Variants in SYNE1 observed in about 807,000 individuals in gnomAD.
SYNE1 encodes spectrin repeat containing nuclear envelope protein 1.
SYNE1 carries 616 observed loss-of-function variants against 1,111.0 expected under a neutral mutation model. That is an observed-to-expected ratio of 0.55 (90% CI 0.52 to 0.59). The LOEUF is 0.59. SYNE1 is among the 20% of genes least tolerant of loss of function. The probability of loss-of-function intolerance (pLI) is 0.00; values close to 1 mark genes in which losing one functional copy is unlikely to be tolerated. For missense variants in SYNE1, 10,006 were observed against 10,417.0 expected (o/e 0.96, Z 1.72); for synonymous variants, 3,855 against 3,825.8 (o/e 1.01, Z -0.28).
At chr6:152,606,976 C>CTTTTTT (rs11387272) in intron 3 of SYNE1, among the ~76,000 whole-genome samples, 27 of 109,128 alleles carry the variant, frequency 2.5e-4, no homozygotes, top group African/African-American at 6.7e-4. Context: ...TGCCTCGGTT[C>CTTTTTT]TCTTTTTTTT....
At chr6:152,316,690 T>C in intron 87 of SYNE1, 159 bp downstream of exon 87, 1 of 729,238 alleles carries the variant, frequency 1.4e-6, no homozygotes, top group East Asian at 2.7e-5. Context: ...GAAGCTCCTT[T>C]CTGTCCAACT....
At chr6:152,218,894 A>G in intron 120 of SYNE1, 109 bp downstream of exon 120, 1 of 1,159,532 alleles carries the variant, frequency 8.6e-7, no homozygotes, top group Non-Finnish European at 1.3e-6. Flanking sequence ...TATTTTCTTG[A>G]GTCTTGAAGG....
In SYNE1 at chr6:152,395,414, C is replaced by T. The variant is rs1397982971; in HGVS notation, c.7712+102G>A. The T allele has an allele frequency of 2.4e-6, 3 of 1,274,778 alleles. No individual in the cohort carries two copies. The East Asian group carries it at 7.0e-5, about 30-fold the overall frequency. The allele number at this position is 1,274,778 out of a possible 1,614,324, so 79.0% of individuals were successfully genotyped here. A position where few individuals can be genotyped will look rare whatever the true frequency, so the allele number is the denominator to read the frequency against. On this transcript the variant is annotated intron_variant, in intron 51 of 145. Transcript: ENST00000367255. ...TTCAAGGACAGCACAAACCACTACC[C>T]ACAAACCAACTAACTAACCAATCAA...
intron 100 of SYNE1, among the ~76,000 whole-genome samples, chr6:152,267,162 T>G (rs1462271656): frequency 2.6e-5 from 4 of 152,188 alleles, no homozygotes. Context: ...CAAAACCACC[T>G]TCATAATACA....
At chr6:152,428,437 C>T (rs767917649) in intron 36 of SYNE1, 45 bp from the exon 37 acceptor site, 13 of 1,605,050 alleles carry the variant, frequency 8.1e-6, no homozygotes, top group South Asian at 1.1e-5. Flanking sequence ...CAGGAGCCAA[C>T]GAGGCCTGCA....
At position 152,453,654 on chromosome 6, in the gene SYNE1, C is replaced by G; in HGVS notation, c.2959G>C (p.Asp987His). The G allele has an allele frequency of 6.2e-7, 1 of 1,614,174 alleles. No homozygotes were observed. The highest frequency in any genetic ancestry group is 8.5e-7 in the Non-Finnish European group (1 of 1,180,046). ...AFLKACDELT[D>H]ILPEQEQQGL... ...TGCTGCTCCTGCTCTGGAAGGATGT[C>G]GGTGAGTTCATCACAAGCTTTCAGG... is the stretch of plus-strand genomic sequence containing the variant. The change falls in exon 25 of 146, where the codon GAC becomes CAC. Residue 987 changes from aspartate to histidine, a missense_variant. Asp to His is a moderately conservative substitution (Grantham distance 81). Coordinates refer to ENST00000367255, the MANE Select transcript of SYNE1 (RefSeq NM_182961.4).
Position 152,430,744 on chromosome 6 carries a change from C to T in SYNE1, c.4462-35G>A, listed in dbSNP as rs764056536. The T allele has an allele frequency of 1.5e-5, 23 of 1,585,688 alleles. No homozygotes were observed. The South Asian group carries it at 2.5e-4, about 18-fold the overall frequency. ...AAAACAAGAAAAATGACAATGTAGG[C>T]TGAGCAAGCTTGCCTTCCTGAAATG... On this transcript the variant is annotated intron_variant, in intron 34 of 145. Transcript: ENST00000367255.
chr6:152,251,412 A>C (rs1014691652), intron 104 of SYNE1, among the ~76,000 whole-genome samples: 2 of 152,210 alleles, frequency 1.3e-5, no homozygotes, highest in Non-Finnish European at 2.9e-5. Context: ...AAATTACTAA[A>C]TAAAAACTTT....
chr6:152,125,369 C>G, intron 145 of SYNE1: 6 of 1,548,402 alleles, frequency 3.9e-6, no homozygotes, highest in Non-Finnish European at 5.2e-6. Flanking sequence ...CATAAGGCCT[C>G]ACAGTATCCT....
chr6:152,189,080 T>C (rs2071423559), intron 128 of SYNE1, among the ~76,000 whole-genome samples, 172 bp downstream of exon 128: 1 of 142,158 alleles, frequency 7.0e-6, no homozygotes, highest in Non-Finnish European at 1.5e-5. Flanking sequence ...TAAAATGTGG[T>C]AAAATATAAA....
At chr6:152,283,062 G>A (rs1028222768) in intron 96 of SYNE1, among the ~76,000 whole-genome samples, 1 of 152,156 alleles carries the variant, frequency 6.6e-6, no homozygotes, top group Non-Finnish European at 1.5e-5. Context: ...TCTTTAGGGA[G>A]CCTCCAGTCT....
chr6:152,442,806 T>C (rs1279650082), intron 30 of SYNE1, among the ~76,000 whole-genome samples: 1 of 152,028 alleles, frequency 6.6e-6, no homozygotes, highest in Non-Finnish European at 1.5e-5. Flanking sequence ...ATTAGCCAAG[T>C]GTGGTGGTAC....
intron 76 of SYNE1, chr6:152,336,405 G>A (rs13217146): frequency 0.072 from 14,785 of 204,908 alleles, 557 homozygotes; most frequent in East Asian, 0.11. Context: ...TTGGCACCTG[G>A]GATGGGTTTT....
At chr6:152,264,190 G>GAGCA (rs1280835024) in intron 100 of SYNE1, among the ~76,000 whole-genome samples, 2 of 105,226 alleles carry the variant, frequency 1.9e-5, no homozygotes, top group African/African-American at 3.9e-5. Context: ...CTTGGTGACA[G>GAGCA]AGCAAGACTC....
At chr6:152,397,621 C>T (rs17082605) in intron 49 of SYNE1, among the ~76,000 whole-genome samples, 7,099 of 152,228 alleles carry the variant, frequency 0.047, 268 homozygotes, top group African/African-American at 0.1. Flanking sequence ...ATCTTTCTAT[C>T]GTTAACTTCT....
Position 152,156,006 on chromosome 6 carries a change from G to A in SYNE1, c.23882C>T (p.Ala7961Val), listed in dbSNP as rs755766308. Residue 7961 changes from alanine (A) to valine (V), a missense_variant, in exon 132 of 146, where the codon GCC becomes GTC. Ala to Val is a moderately conservative substitution (Grantham distance 64). Coordinates refer to ENST00000367255, the MANE Select transcript of SYNE1 (RefSeq NM_182961.4). ...TATAGAGTCACACTCGGCATCAGTG[G>A]CACAGGCGTCACAGTCGTGCAGCAG... ...EVLLHDCDAC[A>V]TDAECDSIQQ... 6.2e-7 allele frequency: 1 copy of A among 1,614,170 alleles called. No homozygotes were observed. Among genetic ancestry groups the A allele is most frequent in the East Asian group, 2.2e-5 (1 of 44,870 alleles).
chr6:152,230,647 T>C lies in SYNE1; in HGVS notation c.21095A>G (p.Gln7032Arg), dbSNP rs752508132. The C allele has an allele frequency of 1.7e-5, 27 of 1,614,126 alleles. No individual in the cohort carries two copies. The highest frequency in any genetic ancestry group is 8.3e-5 in the Admixed American group (5 of 60,034). ...ESWSEYENNV[Q>R]CLKTWFETQE... ...GGTTTCAAACCATGTTTTCAGACATTGTACATTATTTTCATATTCTGACCA... is the reference window on the plus strand; with the variant it reads ...GGTTTCAAACCATGTTTTCAGACATCGTACATTATTTTCATATTCTGACCA... Residue 7032 changes from glutamine (Q) to arginine (R), a missense_variant, in exon 115 of 146, where the codon CAA becomes CGA. Gln to Arg is a conservative substitution (Grantham distance 43). Around this residue, in one of 7 missense-constraint regions of SYNE1, gnomAD observed 2,182 missense variants for 2,287.8 expected, o/e 0.95. Transcript: ENST00000367255.
In SYNE1 at chr6:152,444,532, T is replaced by C; in HGVS notation, c.3716A>G (p.Glu1239Gly). 1 of 1,613,724 alleles carries C rather than the reference T, an allele frequency of 6.2e-7. No homozygotes were observed. The highest frequency in any genetic ancestry group is 1.1e-5 in the South Asian group (1 of 91,068). ...SNFGDCVQYK[E>G]IVKNSLEELI... ...TTCTTCGAGAGAATTTTTGACTATT[T>C]CTTTGTACTGGACACAGTCCCCAAA... The change falls in exon 30 of 146, where the codon GAA becomes GGA. Residue 1239 changes from glutamate (E) to glycine (G), a missense_variant. Physicochemically the swap from Glu to Gly is moderately conservative, Grantham distance 98. This residue lies in a region of SYNE1 where 1,971 missense variants were observed against 2,084.1 expected (regional missense o/e 0.95). Coordinates refer to ENST00000367255, the MANE Select transcript of SYNE1 (RefSeq NM_182961.4).
chr6:152,140,975 C>T (rs1026930928), intron 139 of SYNE1, among the ~76,000 whole-genome samples: 1 of 152,154 alleles, frequency 6.6e-6, no homozygotes, highest in Non-Finnish European at 1.5e-5. Context: ...GCGGAACTTG[C>T]AGTGAGCCGA....
Sources: gnomAD v4.1 joint callset for allele counts (sites outside exome capture counted in the v4.1 genomes callset) on GRCh38, gnomAD v4.1.1 for gene constraint, gnomAD v4.1.1 regional missense constraint, MANE v1.5 for transcripts, NCBI Gene and HGNC (gene_info 2026-07-23, HGNC 2026-07-21) for gene names.